CCDC7: variants seen among roughly 807,000 people sequenced by gnomAD.
CCDC7 encodes coiled-coil domain containing 7.
Under a neutral mutation model 196.9 loss-of-function variants are expected in CCDC7, and 183 were observed. That is an observed-to-expected ratio of 0.93 (90% CI 0.82 to 1.05). The LOEUF (loss-of-function observed/expected upper bound fraction) is 1.05. CCDC7 is among the 50% of genes least tolerant of loss of function. The pLI, the probability that CCDC7 is intolerant of heterozygous loss-of-function variation, is 0.00. For missense variants in CCDC7, 1,540 were observed against 1,482.2 expected, an observed-to-expected ratio of 1.04 and a Z score of -0.64; for synonymous variants, 525 against 484.6, an observed-to-expected ratio of 1.08 and a Z score of -1.10.
intron 28 of CCDC7, among the ~76,000 whole-genome samples, chr10:32,737,479 T>C (rs1232994293): frequency 2.6e-5 from 4 of 152,168 alleles, no homozygotes; most frequent in African/African-American, 9.7e-5. Context: ...CCACAGAAGC[T>C]TGAGAAGAAT....
rs1326432557 is a variant in CCDC7 at position 32,454,259 on chromosome 10, T to C, written c.372+823T>C. Among the ~76,000 whole-genome samples the C allele has an allele frequency of 2.0e-5, 3 of 152,212 alleles. No individual in the cohort carries two copies. The East Asian group carries it at 5.8e-4, about 29-fold the overall frequency. On this transcript the variant is annotated intron_variant, in intron 2 of 41. Coordinates refer to ENST00000639629, the Ensembl canonical transcript of CCDC7. The stretch of plus-strand genomic sequence containing the variant: ...AAATGATGGAAATGTTTTATATTTT[T>C]ATTGTGGTGGTGATTACCCAACTAT...
chr10:32,447,623 G>A (rs1592693053), upstream of CCDC7, among the ~76,000 whole-genome samples: 1 of 152,180 alleles, frequency 6.6e-6, no homozygotes, highest in African/African-American at 2.4e-5. Flanking sequence ...AAGGGAGCAG[G>A]GCGCACAGTG....
At chr10:32,516,060 T>C (rs1427007823) in intron 9 of CCDC7, among the ~76,000 whole-genome samples, 1 of 151,040 alleles carries the variant, frequency 6.6e-6, no homozygotes, top group Non-Finnish European at 1.5e-5. Flanking sequence ...AATGATACTA[T>C]CAAAAACATG....
intron 18 of CCDC7, among the ~76,000 whole-genome samples, chr10:32,591,329 C>A (rs1209697771): frequency 6.6e-6 from 1 of 151,604 alleles, no homozygotes; most frequent in Non-Finnish European, 1.5e-5. Flanking sequence ...GACTCTGATG[C>A]ATTATTCAGC....
intron 21 of CCDC7, among the ~76,000 whole-genome samples, chr10:32,668,679 A>T (rs1195251897): frequency 6.6e-6 from 1 of 151,862 alleles, no homozygotes; most frequent in African/African-American, 2.4e-5. Context: ...ACATTTATTG[A>T]TTTGTGTATG....
At chr10:32,660,790 G>A (rs2140370738) in intron 20 of CCDC7, among the ~76,000 whole-genome samples, 1 of 151,150 alleles carries the variant, frequency 6.6e-6, no homozygotes, top group East Asian at 1.9e-4. Context: ...AGCTGAAACT[G>A]GATCCCTTCC....
intron 33 of CCDC7, among the ~76,000 whole-genome samples, chr10:32,838,022 T>C (rs1053852646): frequency 7.2e-5 from 11 of 152,194 alleles, no homozygotes; most frequent in Non-Finnish European, 1.5e-4. Flanking sequence ...CATGTATACA[T>C]ATGTAACAAA....
chr10:32,875,314 G>A (rs2094566922), intron 41 of CCDC7, among the ~76,000 whole-genome samples: 1 of 152,008 alleles, frequency 6.6e-6, no homozygotes, highest in Non-Finnish European at 1.5e-5. Context: ...TTTTGTATAA[G>A]GTTTAAGGAA....
chr10:32,702,028 G>T (rs2078838705), intron 24 of CCDC7, among the ~76,000 whole-genome samples: 1 of 151,980 alleles, frequency 6.6e-6, no homozygotes, highest in South Asian at 2.1e-4. Context: ...CTTCAGTTTT[G>T]CTGTGATCTT....
At chr10:32,623,541 A>G (rs2063635343) in intron 18 of CCDC7, among the ~76,000 whole-genome samples, 1 of 152,092 alleles carries the variant, frequency 6.6e-6, no homozygotes, top group Non-Finnish European at 1.5e-5. Context: ...AGTAAGTTTT[A>G]ATGTCTTAAT....
chr10:32,701,291 T>G (rs2078677971), intron 24 of CCDC7, among the ~76,000 whole-genome samples: 1 of 152,242 alleles, frequency 6.6e-6, no homozygotes, highest in Non-Finnish European at 1.5e-5. Context: ...GTCAAAGGCC[T>G]TTTCTTCATC....
At chr10:32,542,886 G>C (rs568945459) in intron 11 of CCDC7, among the ~76,000 whole-genome samples, 78 of 152,082 alleles carry the variant, frequency 5.1e-4, no homozygotes, top group Middle Eastern at 3.4e-3. Flanking sequence ...GTGTACTATA[G>C]TACTGTTTTT....
intron 28 of CCDC7, among the ~76,000 whole-genome samples, chr10:32,766,266 A>G (rs1280313452): frequency 1.3e-5 from 2 of 152,038 alleles, no homozygotes; most frequent in South Asian, 2.1e-4. Context: ...AAAAACAGGT[A>G]TAATGCCTAT....
chr10:32,858,500 G>A (rs1006350595), intron 41 of CCDC7, among the ~76,000 whole-genome samples: 5 of 152,122 alleles, frequency 3.3e-5, no homozygotes, highest in African/African-American at 1.2e-4. Flanking sequence ...ATCTATTGCT[G>A]ACATGTAGGG....
intron 8 of CCDC7, among the ~76,000 whole-genome samples, chr10:32,478,632 G>A (rs533147520): frequency 6.6e-6 from 1 of 152,108 alleles, no homozygotes; most frequent in East Asian, 1.9e-4. Context: ...TATTGGACTA[G>A]CCTTACGTAC....
At chr10:32,529,851 C>T (rs941618409) in intron 11 of CCDC7, among the ~76,000 whole-genome samples, 1 of 152,128 alleles carries the variant, frequency 6.6e-6, no homozygotes, top group Non-Finnish European at 1.5e-5. Flanking sequence ...TTGCCTAAGC[C>T]AATGTCTAGA....
At chr10:32,733,132 C>G (rs570750198) in intron 28 of CCDC7, among the ~76,000 whole-genome samples, 9 of 151,970 alleles carry the variant, frequency 5.9e-5, no homozygotes, top group African/African-American at 2.2e-4. Context: ...TTTTATTACT[C>G]ATATCTGTTA....
At chr10:32,506,901 A>T (rs551768967) in intron 9 of CCDC7, among the ~76,000 whole-genome samples, 8 of 152,156 alleles carry the variant, frequency 5.3e-5, no homozygotes, top group African/African-American at 1.9e-4. Context: ...TTATATAACG[A>T]CCTTTGTCTC....
chr10:32,548,804 CTTG>C (rs1041014945), intron 13 of CCDC7, among the ~76,000 whole-genome samples: 3 of 152,136 alleles, frequency 2.0e-5, no homozygotes, highest in African/African-American at 7.2e-5. Flanking sequence ...TCTTTATCCA[CTTG>C]TTGATTGATG....
Sources: gnomAD v4.1 joint callset for allele counts (sites outside exome capture counted in the v4.1 genomes callset) on GRCh38, gnomAD v4.1.1 for gene constraint, MANE v1.5 for transcripts, NCBI Gene and HGNC (gene_info 2026-07-23, HGNC 2026-07-21) for gene names.